Variants in ERN1 observed in about 807,000 individuals in gnomAD.
The protein encoded by ERN1 is serine/threonine-protein kinase/endoribonuclease IRE1.
ERN1 carries 39 observed loss-of-function variants against 113.1 expected under a neutral mutation model. That is an observed-to-expected ratio of 0.34 (90% CI 0.27 to 0.45). ERN1 has a LOEUF of 0.45. Among genes scored for constraint, ERN1 ranks in the 20% least tolerant of loss-of-function variants. The pLI, the probability that ERN1 is intolerant of heterozygous loss-of-function variation, is 1.00. For synonymous variants in ERN1, 507 were observed against 515.9 expected, an observed-to-expected ratio of 0.98 and a Z score of 0.23; for missense variants, 976 against 1,274.8, an observed-to-expected ratio of 0.77 and a Z score of 3.57.
Position 64,054,705 on chromosome 17 carries a change from C to T in ERN1, c.1763+33G>A, listed in dbSNP as rs781636504. 3.2e-5 allele frequency: 49 copies of T among 1,519,746 alleles called. No individual in the cohort carries two copies. Among genetic ancestry groups the T allele is most frequent in the South Asian group, 3.0e-4 (25 of 83,892 alleles). 94.1% of individuals were successfully genotyped at this position (1,519,746 alleles called of 1,614,324 possible). A position where few individuals can be genotyped will look rare whatever the true frequency, so the allele number is the denominator to read the frequency against. ...ACCTGACAGGCACTTAGACACCAGG[C>T]GGTGAGGGCAGGGGGCTGGCTAATC... On this transcript the variant is annotated intron_variant, in intron 14 of 21. Coordinates refer to ENST00000433197, the MANE Select transcript of ERN1 (RefSeq NM_001433.5). The surrounding 1 kb of genome is among the most constrained non-coding windows in gnomAD (Gnocchi z 4.9).
chr17:64,116,338 T>C lies in ERN1; in HGVS notation c.54+13638A>G, dbSNP rs554353585. Among the ~76,000 whole-genome samples, 5 of 152,260 alleles carry C rather than the reference T, an allele frequency of 3.3e-5. No homozygotes were observed. The South Asian group carries it at 1.0e-3, about 32-fold the overall frequency. On this transcript the variant is annotated intron_variant, in intron 1 of 21. Transcript: ENST00000433197. ...CAAGATCAAGATAACTTAGGGTCCG[T>C]TTTACAAGCAACTGTGGCTTGGTTC...
chr17:64,092,967 G>C (rs1914129975), intron 2 of ERN1, among the ~76,000 whole-genome samples: 1 of 152,184 alleles, frequency 6.6e-6, no homozygotes, highest in Non-Finnish European at 1.5e-5. Flanking sequence ...TGCTTAGAAG[G>C]ATGGCCCCTA....
intron 3 of ERN1, among the ~76,000 whole-genome samples, chr17:64,079,962 G>A (rs1157258922): frequency 2.6e-5 from 4 of 152,056 alleles, no homozygotes; most frequent in Admixed American, 1.3e-4. Flanking sequence ...GGAGAAAAGC[G>A]GCCTGAAAGG....
intron 1 of ERN1, among the ~76,000 whole-genome samples, chr17:64,113,467 G>A (rs2143486907): frequency 6.6e-6 from 1 of 151,714 alleles, no homozygotes; most frequent in East Asian, 1.9e-4. Context: ...AATCTCCCTG[G>A]TATCTAACAC....
At chr17:64,108,707 C>T (rs779168621) in intron 1 of ERN1, among the ~76,000 whole-genome samples, 2 of 152,120 alleles carry the variant, frequency 1.3e-5, no homozygotes, top group Admixed American at 6.5e-5. Context: ...GAGAAACATC[C>T]TAAACAAACT....
At chr17:64,087,607 T>A (rs556966977) in intron 2 of ERN1, among the ~76,000 whole-genome samples, 1 of 152,180 alleles carries the variant, frequency 6.6e-6, no homozygotes, top group Non-Finnish European at 1.5e-5. Flanking sequence ...TTACCCCGCA[T>A]TGATAATTAT....
In ERN1 at chr17:64,079,708, T is replaced by G; in HGVS notation, c.236A>C (p.Asp79Ala). Reference sequence around the variant, plus strand: ...GCTTCCAAGCGTATACAGGCTGCCATCATTAGGATCTGGGAGAAAGGCAGG... The same window carrying G: ...GCTTCCAAGCGTATACAGGCTGCCAGCATTAGGATCTGGGAGAAAGGCAGG... ...EEPAFLPDPN[D>A]GSLYTLGSKN... The change falls in exon 4 of 22, where the codon GAT (aspartate) becomes GCT (alanine). Residue 79 changes from aspartate to alanine, a missense_variant. Asp to Ala is a moderately radical substitution (Grantham distance 126). This residue lies in a region of ERN1 where 459 missense variants were observed against 581.2 expected (regional missense o/e 0.79). Transcript: ENST00000433197. 6.2e-7 allele frequency: 1 copy of G among 1,613,840 alleles called. No homozygotes were observed. The highest frequency in any genetic ancestry group is 8.5e-7 in the Non-Finnish European group (1 of 1,179,758).
Position 64,067,661 on chromosome 17 carries a change from T to C in ERN1, c.580+529A>G, listed in dbSNP as rs186920328. ...AAAGTCAGACCTGAACCACTGACAC[T>C]GTCCCATCAGATTCACAAAGGAGTC... On this transcript the variant is annotated intron_variant, in intron 7 of 21. Transcript: ENST00000433197. Among the ~76,000 whole-genome samples the C allele has an allele frequency of 5.3e-5, 8 of 151,450 alleles. No homozygotes were observed. In the East Asian group the frequency reaches 1.5e-3, roughly 29 times the overall value.
Position 64,057,993 on chromosome 17 carries a change from C to A in ERN1, c.1207G>T (p.Val403Phe). Residue 403 changes from valine (V) to phenylalanine (F), a missense_variant and splice_region_variant, in exon 12 of 22, where the codon GTT becomes TTT. Transcript: ENST00000433197. ...GAAGTCTGGTCAACCAGGTTGATAA[C>A]CTTGCATGGGAGAGAGTTGCGACAT... ...ADSEKKSFEE[V>F]INLVDQTSEN... 6.5e-7 allele frequency: 1 copy of A among 1,549,420 alleles called. No homozygotes were observed. The highest frequency in any genetic ancestry group is 1.2e-5 in the South Asian group (1 of 81,212).
At chr17:64,093,986 G>T (rs898378461) in intron 2 of ERN1, among the ~76,000 whole-genome samples, 1 of 152,188 alleles carries the variant, frequency 6.6e-6, no homozygotes, top group Non-Finnish European at 1.5e-5. Flanking sequence ...AAGTGTGGGG[G>T]ACCAGGGATG....
At chr17:64,090,674 A>G (rs934863753) in intron 2 of ERN1, among the ~76,000 whole-genome samples, 1 of 152,220 alleles carries the variant, frequency 6.6e-6, no homozygotes. Flanking sequence ...GACCCATCGG[A>G]GCTGAGATCC....
In ERN1 at chr17:64,129,969, C is replaced by A; in HGVS notation, c.54+7G>T. On this transcript the variant is annotated splice_region_variant and intron_variant, in intron 1 of 21. Coordinates refer to ENST00000433197, the MANE Select transcript of ERN1 (RefSeq NM_001433.5). ...TGTCCTCCACCCCACGCTCCCCGGT[C>A]ACTCACCCCGAGGCCGGGCAGCAGC... 1 of 1,447,574 alleles carries A rather than the reference C, an allele frequency of 6.9e-7. No homozygotes were observed. The highest frequency in any genetic ancestry group is 9.0e-7 in the Non-Finnish European group (1 of 1,106,166). 89.7% of individuals were successfully genotyped at this position (1,447,574 alleles called of 1,614,324 possible). A position where few individuals can be genotyped will look rare whatever the true frequency, so the allele number is the denominator to read the frequency against.
Position 64,067,535 on chromosome 17 carries a change from G to C in ERN1, c.581-603C>G, listed in dbSNP as rs76583522. 1.8e-3 allele frequency among the ~76,000 whole-genome samples: 266 copies of C among 151,556 alleles called. 10 individuals carry two copies. The East Asian group carries it at 0.042, about 24-fold the overall frequency. ...AGGTGGGAAGATCGCTTGAGCCTAG[G>C]AGTTTCAGGCTGCAGTGAGCCCTGA... On this transcript the variant is annotated intron_variant, in intron 7 of 21. Coordinates refer to ENST00000433197, the MANE Select transcript of ERN1 (RefSeq NM_001433.5).
rs59035376 is a variant in ERN1, at chr17:64,111,424, C to T, written c.55-13183G>A. Among the ~76,000 whole-genome samples, 731 of 151,758 alleles carry T rather than the reference C, an allele frequency of 4.8e-3. 19 individuals carry two copies. The East Asian group carries it at 0.053, about 11-fold the overall frequency. On this transcript the variant is annotated intron_variant, in intron 1 of 21. Transcript: ENST00000433197. ...AAGCTGGAGTGCAATGGCGCAATCT[C>T]GGCTCACGGCAACCTCCACCTCCTG...
intron 1 of ERN1, among the ~76,000 whole-genome samples, chr17:64,108,860 T>C (rs1251464225): frequency 2.6e-5 from 4 of 152,130 alleles, no homozygotes; most frequent in Non-Finnish European, 5.9e-5. Flanking sequence ...CAGTAGCTCA[T>C]GCCTGTAATC....
At position 64,049,690 on chromosome 17, in the gene ERN1, T is replaced by G. The variant is rs1192934768; in HGVS notation, c.2254-488A>C. 1.3e-5 allele frequency among the ~76,000 whole-genome samples: 2 copies of G among 152,182 alleles called. No homozygotes were observed. The highest frequency in any genetic ancestry group is 2.9e-5 in the Non-Finnish European group (2 of 68,042). On this transcript the variant is annotated intron_variant, in intron 17 of 21. Transcript: ENST00000433197. The surrounding 1 kb of genome is among the most constrained non-coding windows in gnomAD (Gnocchi z 4.7). ...TTGCTAATAAGTGAATAAAACAGCTTATGATTCAAAAACAGCCCTAGAAAG... is the reference window on the plus strand; with the variant it reads ...TTGCTAATAAGTGAATAAAACAGCTGATGATTCAAAAACAGCCCTAGAAAG...
chr17:64,079,578 GAC>G (rs1913702862), intron 4 of ERN1, 82 bp downstream of exon 4: 1 of 1,098,292 alleles, frequency 9.1e-7, no homozygotes, highest in Non-Finnish European at 1.4e-6. Context: ...CCAGGTGGGA[GAC>G]ACAGTAAGAC....
At chr17:64,084,768 C>T (rs1356413472) in intron 2 of ERN1, among the ~76,000 whole-genome samples, 1 of 152,212 alleles carries the variant, frequency 6.6e-6, no homozygotes, top group Non-Finnish European at 1.5e-5. Flanking sequence ...CAACCTGTCA[C>T]CCTTTAACAA....
In ERN1 at chr17:64,119,376, G is replaced by GTTGTTTTTTTTTTTTTTTTTTTTTTTT. The variant is rs777806993; in HGVS notation, c.54+10599_54+10600insAAAAAAAAAAAAAAAAAAAAAAAACAA. Among the ~76,000 whole-genome samples the GTTGTTTTTTTTTTTTTTTTTTTTTTTT allele has an allele frequency of 1.7e-4, 13 of 77,910 alleles. 1 individual carries two copies. Among genetic ancestry groups the GTTGTTTTTTTTTTTTTTTTTTTTTTTT allele is most frequent in the African/African-American group, 6.7e-4 (12 of 17,952 alleles). The allele number at this position is 77,910 out of a possible 152,430, so 51.1% of individuals were successfully genotyped here. A position where few individuals can be genotyped will look rare whatever the true frequency, so the allele number is the denominator to read the frequency against. On this transcript the variant is annotated intron_variant, in intron 1 of 21. Coordinates refer to ENST00000433197, the MANE Select transcript of ERN1 (RefSeq NM_001433.5). ...TAATATTAGGTTCCTTTTTTTCTAGGTTTTTTTTTTTTTTTTTTTTTTTTT... is the reference window on the plus strand; with the variant it reads ...TAATATTAGGTTCCTTTTTTTCTAGGTTGTTTTTTTTTTTTTTTTTTTTTTTTTTTTTTTTTTTTTTTTTTTTTTTTT...
Sources: allele counts gnomAD v4.1 joint callset (sites outside exome capture counted in the v4.1 genomes callset), GRCh38; gene constraint gnomAD v4.1.1; regional missense constraint gnomAD v4.1.1; non-coding constraint Gnocchi (gnomAD v3.1); transcripts MANE v1.5; gene names NCBI Gene and HGNC (gene_info 2026-07-23, HGNC 2026-07-21).